Variants in YWHAE observed in about 807,000 individuals in gnomAD.
The protein encoded by YWHAE is tyrosine 3-monooxygenase/tryptophan 5-monooxygenase activation protein epsilon, also known as 14-3-3 protein epsilon.
Under a neutral mutation model 30.1 loss-of-function variants are expected in YWHAE, and 4 were observed. That is an observed-to-expected ratio of 0.13 (90% CI 0.07 to 0.30). The LOEUF (loss-of-function observed/expected upper bound fraction) is 0.30, where lower values mean the gene tolerates loss of function less well. Among genes scored for constraint, YWHAE ranks in the 10% least tolerant of loss-of-function variants. The probability of loss-of-function intolerance (pLI) is 1.00; values close to 1 mark genes in which losing one functional copy is unlikely to be tolerated. For synonymous variants in YWHAE, 118 were observed against 111.8 expected (o/e 1.06, Z -0.35); for missense variants, 121 against 315.9 (o/e 0.38, Z 4.68).
intron 4 of YWHAE, among the ~76,000 whole-genome samples, chr17:1,360,163 T>C (rs900427389): frequency 2.0e-5 from 3 of 152,086 alleles, no homozygotes; most frequent in Non-Finnish European, 4.4e-5. Context: ...AGTTTCACCA[T>C]GTTGGTCAGG....
Position 1,388,117 on chromosome 17 carries a change from G to GTTTTTTTTTTTTTTT in YWHAE, c.64+11929_64+11930insAAAAAAAAAAAAAAA, listed in dbSNP as rs1491196737. The stretch of plus-strand genomic sequence containing the variant: ...GTAATTTTTGTTTTTTTTTTTGGTT[G>GTTTTTTTTTTTTTTT]GTTTTTTTTTTTTTTTTTTTTTTTT... On this transcript the variant is annotated intron_variant, in intron 1 of 5. Coordinates refer to ENST00000264335, the MANE Select transcript of YWHAE (RefSeq NM_006761.5). 3.7e-3 allele frequency among the ~76,000 whole-genome samples: 241 copies of GTTTTTTTTTTTTTTT among 65,074 alleles called. 1 individual carries two copies. Among genetic ancestry groups the GTTTTTTTTTTTTTTT allele is most frequent in the Non-Finnish European group, 4.4e-3 (191 of 43,088 alleles). 42.7% of individuals were successfully genotyped at this position (65,074 alleles called of 152,430 possible).
chr17:1,360,817 A>C (rs904520173), intron 4 of YWHAE, among the ~76,000 whole-genome samples: 1 of 152,100 alleles, frequency 6.6e-6, no homozygotes, highest in African/African-American at 2.4e-5. Flanking sequence ...AATAATTCTA[A>C]TTCCTCTCAT....
At chr17:1,379,348 G>A (rs1456860744) in intron 1 of YWHAE, among the ~76,000 whole-genome samples, 1 of 152,102 alleles carries the variant, frequency 6.6e-6, no homozygotes, top group Non-Finnish European at 1.5e-5. Context: ...AGCCGGGCGT[G>A]GTGGCACACA....
chr17:1,371,068 CTGTG>C (rs1399873980), intron 1 of YWHAE, among the ~76,000 whole-genome samples: 2 of 151,848 alleles, frequency 1.3e-5, no homozygotes, highest in Non-Finnish European at 2.9e-5. Flanking sequence ...TGACCAAGTA[CTGTG>C]TGTGAGTGTG....
At chr17:1,381,978 C>T (rs1467890157) in intron 1 of YWHAE, among the ~76,000 whole-genome samples, 1 of 147,712 alleles carries the variant, frequency 6.8e-6, no homozygotes, top group African/African-American at 2.6e-5. Flanking sequence ...TATATAGGCA[C>T]TGGAGCAAAG....
Position 1,364,842 on chromosome 17 carries a change from T to G in YWHAE, c.264+17A>C. ...TCAAACTGTGGATAAGGGGGGATGATGGCACAACAATCTCACCATTTGCCG... is the reference window on the plus strand; with the variant it reads ...TCAAACTGTGGATAAGGGGGGATGAGGGCACAACAATCTCACCATTTGCCG... On this transcript the variant is annotated intron_variant, in intron 2 of 5. Transcript: ENST00000264335. 1.2e-6 allele frequency: 2 copies of G among 1,613,968 alleles called. No homozygotes were observed. Among genetic ancestry groups the G allele is most frequent in the Non-Finnish European group, 1.7e-6 (2 of 1,179,852 alleles).
At chr17:1,382,184 G>C (rs1339076687) in intron 1 of YWHAE, among the ~76,000 whole-genome samples, 1 of 151,584 alleles carries the variant, frequency 6.6e-6, no homozygotes, top group Non-Finnish European at 1.5e-5. Flanking sequence ...ATGTAACTGG[G>C]ACTTCAGGCG....
chr17:1,362,023 A>AT lies in YWHAE; in HGVS notation c.265-16dup, dbSNP rs34985093. On this transcript the variant is annotated splice_polypyrimidine_tract_variant and intron_variant, in intron 2 of 5. Transcript: ENST00000264335. ...TCAGTCTCAACCTAAAAAAAAAAAA[A>AT]TTTTTTTTAAATCAGATTAAGTCTA... is the stretch of plus-strand genomic sequence containing the variant. 3.4e-5 allele frequency: 47 copies of AT among 1,378,746 alleles called. No individual in the cohort carries two copies. The East Asian group carries it at 5.7e-4, about 17-fold the overall frequency. The allele number at this position is 1,378,746 out of a possible 1,614,324, so 85.4% of individuals were successfully genotyped here.
At chr17:1,366,041 C>A (rs1243284345) in intron 1 of YWHAE, among the ~76,000 whole-genome samples, 3 of 151,826 alleles carry the variant, frequency 2.0e-5, no homozygotes, top group African/African-American at 7.3e-5. Context: ...CATGGTGAAA[C>A]ACTGTCTCTA....
At chr17:1,390,937 C>T (rs1458259076) in intron 1 of YWHAE, among the ~76,000 whole-genome samples, 1 of 152,134 alleles carries the variant, frequency 6.6e-6, no homozygotes, top group Non-Finnish European at 1.5e-5. Flanking sequence ...CTAAACATAA[C>T]AGTTGTAACA....
chr17:1,380,111 C>CTTTTT (rs34413137), intron 1 of YWHAE, among the ~76,000 whole-genome samples: 1 of 121,890 alleles, frequency 8.2e-6, no homozygotes, highest in Non-Finnish European at 1.7e-5. Flanking sequence ...GAAGACTAGA[C>CTTTTT]TTTTTTTTTT....
intron 1 of YWHAE, chr17:1,399,378 T>C (rs1043664654): frequency 7.9e-5 from 12 of 152,438 alleles, no homozygotes; most frequent in African/African-American, 2.9e-4. Flanking sequence ...AGAAACCCGA[T>C]CGCAGCATGG....
At chr17:1,361,410 G>T in intron 3 of YWHAE, 112 bp from the exon 4 acceptor site, 1 of 798,932 alleles carries the variant, frequency 1.3e-6, no homozygotes, top group Non-Finnish European at 1.9e-6. Context: ...AAAAATATAT[G>T]TAACAATTAG....
chr17:1,363,766 C>G (rs2072899743), intron 2 of YWHAE, among the ~76,000 whole-genome samples: 1 of 151,102 alleles, frequency 6.6e-6, no homozygotes, highest in African/African-American at 2.4e-5. Flanking sequence ...AACTGTGGTT[C>G]CCCCACCCTT....
In YWHAE at chr17:1,400,085, T is replaced by C. The variant is rs2150885277; in HGVS notation, c.26A>G (p.Tyr9Cys). MDDREDLV[Y>C]QAKLAEQAER... is the part of the protein sequence containing the mutation. ...AGCCTGCTCGGCCAGCTTCGCCTGG[T>C]ACACCAGATCCTCTCGATCATCCAT... Residue 9 changes from tyrosine to cysteine, a missense_variant, in exon 1 of 6, where the codon TAC (tyrosine) becomes TGC (cysteine). Physicochemically the swap from Tyr to Cys is radical, Grantham distance 194 (BLOSUM62 -2). Transcript: ENST00000264335. 2 of 1,613,876 alleles carry C rather than the reference T, an allele frequency of 1.2e-6. No individual in the cohort carries two copies. Among genetic ancestry groups the C allele is most frequent in the Non-Finnish European group, 1.7e-6 (2 of 1,179,930 alleles).
intron 1 of YWHAE, among the ~76,000 whole-genome samples, chr17:1,386,341 T>A (rs570672454): frequency 2.0e-5 from 3 of 152,258 alleles, no homozygotes; most frequent in Admixed American, 2.0e-4. Context: ...CTAATTAATT[T>A]AAACTAACTC....
rs1421560557 is a variant in YWHAE at position 1,400,037 on chromosome 17, C to G, written c.64+10G>C. 3 of 1,613,764 alleles carry G rather than the reference C, an allele frequency of 1.9e-6. No individual in the cohort carries two copies. Among genetic ancestry groups the G allele is most frequent in the Non-Finnish European group, 1.7e-6 (2 of 1,179,690 alleles). ...GAGAATTCCAGCCCCCCGTTGCCCC[C>G]CCAACTCACCGTCGTATCGCTCAGC... On this transcript the variant is annotated intron_variant, in intron 1 of 5. Transcript: ENST00000264335.
chr17:1,397,498 G>A (rs879604750), intron 1 of YWHAE, among the ~76,000 whole-genome samples: 2 of 152,060 alleles, frequency 1.3e-5, no homozygotes, highest in Admixed American at 1.3e-4. Flanking sequence ...ATTAAATGAG[G>A]ATACAAAGAA....
chr17:1,371,760 T>G (rs2073046180), intron 1 of YWHAE, among the ~76,000 whole-genome samples: 1 of 152,090 alleles, frequency 6.6e-6, no homozygotes, highest in Non-Finnish European at 1.5e-5. Flanking sequence ...CTAAGTGGTG[T>G]GGTCACCATC....
Sources: gnomAD v4.1 joint callset for allele counts (sites outside exome capture counted in the v4.1 genomes callset) on GRCh38, gnomAD v4.1.1 for gene constraint, MANE v1.5 for transcripts, NCBI Gene and HGNC (gene_info 2026-07-23, HGNC 2026-07-21) for gene names.